CCSER1: variants seen among roughly 807,000 people sequenced by gnomAD.
CCSER1 encodes the protein coiled-coil serine rich protein 1, also known as serine-rich coiled-coil domain-containing protein 1.
CCSER1 carries 41 observed loss-of-function variants against 82.0 expected under a neutral mutation model. The observed-to-expected ratio is 0.50, with a 90% confidence interval of 0.39 to 0.65. The LOEUF (loss-of-function observed/expected upper bound fraction) is 0.65, where lower values mean the gene tolerates loss of function less well. Among genes scored for constraint, CCSER1 ranks in the 30% least tolerant of loss-of-function variants. The pLI is 0.00. For missense variants in CCSER1, 1,119 were observed against 1,064.2 expected (o/e 1.05, Z -0.72); for synonymous variants, 414 against 383.9 (o/e 1.08, Z -0.92).
chr4:90,506,269 T>G (rs1360596591), intron 5 of CCSER1, among the ~76,000 whole-genome samples: 1 of 152,232 alleles, frequency 6.6e-6, no homozygotes, highest in Non-Finnish European at 1.5e-5. Flanking sequence ...CTAGTTAATT[T>G]TCTTATAATC....
At chr4:91,357,427 A>G (rs1053677610) in intron 10 of CCSER1, among the ~76,000 whole-genome samples, 1 of 152,134 alleles carries the variant, frequency 6.6e-6, no homozygotes. Context: ...TTTTACTTTA[A>G]TGTCCAGTTC....
At chr4:91,081,372 CA>C (rs1329457471) in intron 9 of CCSER1, among the ~76,000 whole-genome samples, 5 of 152,006 alleles carry the variant, frequency 3.3e-5, no homozygotes, top group East Asian at 1.9e-4. Flanking sequence ...GCCCTTCATG[CA>C]AAAAACTCTC....
intron 10 of CCSER1, among the ~76,000 whole-genome samples, chr4:91,576,200 T>TATA (rs1763446217): frequency 6.6e-6 from 1 of 152,002 alleles, no homozygotes; most frequent in African/African-American, 2.4e-5. Context: ...TCAATATCTA[T>TATA]ATAATATAAC....
At chr4:90,564,875 G>A (rs982154583) in intron 5 of CCSER1, among the ~76,000 whole-genome samples, 2 of 151,578 alleles carry the variant, frequency 1.3e-5, no homozygotes, top group Non-Finnish European at 2.9e-5. Context: ...TGTTCCATTG[G>A]ACTATGTGTC....
chr4:90,916,462 T>G (rs1727439514), intron 8 of CCSER1, among the ~76,000 whole-genome samples: 1 of 152,064 alleles, frequency 6.6e-6, no homozygotes, highest in Non-Finnish European at 1.5e-5. Context: ...GCTCGCCATA[T>G]GGAGAAAGCT....
intron 10 of CCSER1, among the ~76,000 whole-genome samples, chr4:91,513,400 C>G (rs1016103305): frequency 2.0e-5 from 3 of 152,058 alleles, no homozygotes; most frequent in African/African-American, 4.8e-5. Flanking sequence ...CTGTGTTCAG[C>G]AGGGATATTA....
intron 9 of CCSER1, among the ~76,000 whole-genome samples, chr4:90,934,166 C>A (rs986975232): frequency 6.6e-6 from 1 of 151,838 alleles, no homozygotes; most frequent in African/African-American, 2.4e-5. Context: ...GATAATGGCT[C>A]ATTATCAAAT....
intron 1 of CCSER1, among the ~76,000 whole-genome samples, chr4:90,251,212 T>A (rs1206333965): frequency 1.3e-5 from 2 of 151,888 alleles, no homozygotes; most frequent in Non-Finnish European, 2.9e-5. Context: ...TTTATTTAAG[T>A]GTTATAAATT....
Position 91,527,810 on chromosome 4 carries a change from C to T in CCSER1, c.2218-70762C>T, listed in dbSNP as rs535452908. ...TAGAAATTCAATACTGCAGGTAATA[C>T]AAGAGGGAAGTCATCTAGCGCTATT... On this transcript the variant is annotated intron_variant, in intron 10 of 10. Coordinates refer to ENST00000509176, the MANE Select transcript of CCSER1 (RefSeq NM_001145065.2). Among the ~76,000 whole-genome samples the T allele has an allele frequency of 3.0e-4, 45 of 152,128 alleles. 1 individual carries two copies. In the South Asian group the frequency reaches 9.1e-3, roughly 31 times the overall value.
intron 10 of CCSER1, among the ~76,000 whole-genome samples, chr4:91,516,421 A>G (rs1760127295): frequency 6.6e-6 from 1 of 152,186 alleles, no homozygotes; most frequent in Admixed American, 6.5e-5. Context: ...AATCTTCTGC[A>G]TATGGCTAGA....
At chr4:90,879,600 G>A (rs1416609492) in intron 8 of CCSER1, among the ~76,000 whole-genome samples, 4 of 106,950 alleles carry the variant, frequency 3.7e-5, no homozygotes, top group Non-Finnish European at 7.9e-5. Flanking sequence ...AGGAGGAGGA[G>A]GAAGAAGAGG....
intron 8 of CCSER1, among the ~76,000 whole-genome samples, chr4:90,830,424 A>C (rs562289268): frequency 6.6e-6 from 1 of 152,290 alleles, no homozygotes; most frequent in East Asian, 1.9e-4. Context: ...GCTTCAGTGT[A>C]AGGTTCCTTC....
At chr4:90,271,841 TA>T (rs1726375411) in intron 1 of CCSER1, among the ~76,000 whole-genome samples, 3 of 23,574 alleles carry the variant, frequency 1.3e-4, no homozygotes, top group African/African-American at 6.8e-4. Flanking sequence ...TATATATATA[TA>T]TATATATATA....
intron 6 of CCSER1, among the ~76,000 whole-genome samples, chr4:90,649,336 A>G (rs983652061): frequency 6.6e-6 from 1 of 152,206 alleles, no homozygotes; most frequent in Non-Finnish European, 1.5e-5. Flanking sequence ...ACTATTATAA[A>G]CAGTATGCTT....
chr4:91,192,838 C>T (rs544926253), intron 10 of CCSER1, among the ~76,000 whole-genome samples: 2 of 152,146 alleles, frequency 1.3e-5, no homozygotes, highest in African/African-American at 4.8e-5. Flanking sequence ...CTACAATAGA[C>T]TCAGTGTCTC....
chr4:90,682,837 T>C (rs1243747621), intron 6 of CCSER1, among the ~76,000 whole-genome samples: 1 of 152,116 alleles, frequency 6.6e-6, no homozygotes, highest in African/African-American at 2.4e-5. Flanking sequence ...AGCTCTAAAT[T>C]TGTAAATAAA....
At chr4:90,358,474 G>T (rs1404962106) in intron 3 of CCSER1, among the ~76,000 whole-genome samples, 1 of 152,084 alleles carries the variant, frequency 6.6e-6, no homozygotes, top group Non-Finnish European at 1.5e-5. Flanking sequence ...ACAGCAGCGA[G>T]TACAAAATAA....
chr4:90,632,468 T>G (rs922435086), intron 6 of CCSER1, among the ~76,000 whole-genome samples: 3 of 151,788 alleles, frequency 2.0e-5, no homozygotes, highest in African/African-American at 7.3e-5. Context: ...TATGCTATTT[T>G]ATAATATATA....
At chr4:90,807,229 T>C (rs549331074) in intron 7 of CCSER1, among the ~76,000 whole-genome samples, 4 of 152,276 alleles carry the variant, frequency 2.6e-5, no homozygotes, top group African/African-American at 7.2e-5. Flanking sequence ...CATCCTACTA[T>C]GCTAATATTA....
Sources: allele counts gnomAD v4.1 joint callset (sites outside exome capture counted in the v4.1 genomes callset), GRCh38; gene constraint gnomAD v4.1.1; transcripts MANE v1.5; gene names NCBI Gene and HGNC (gene_info 2026-07-23, HGNC 2026-07-21).